Variants in GALNT10 observed in about 807,000 individuals in gnomAD.
GALNT10 encodes polypeptide N-acetylgalactosaminyltransferase 10.
GALNT10 carries 41 observed loss-of-function variants against 75.0 expected under a neutral mutation model. The ratio of observed to expected loss-of-function variants is 0.55; its 90% CI spans 0.43 to 0.71. The LOEUF is 0.71. GALNT10 is among the 30% of genes least tolerant of loss of function. GALNT10 has a pLI of 0.00. For missense variants in GALNT10, 727 were observed against 818.5 expected (o/e 0.89, Z 1.36); for synonymous variants, 302 against 313.0 (o/e 0.96, Z 0.37).
chr5:154,243,184 A>G (rs906807880), intron 1 of GALNT10, among the ~76,000 whole-genome samples: 1 of 152,230 alleles, frequency 6.6e-6, no homozygotes, highest in Non-Finnish European at 1.5e-5. Context: ...CTCAAATAAG[A>G]TAATGAATGA....
chr5:154,397,932 C>T (rs1037248252), intron 7 of GALNT10, among the ~76,000 whole-genome samples: 1 of 152,224 alleles, frequency 6.6e-6, no homozygotes, highest in African/African-American at 2.4e-5. Flanking sequence ...CAATGCACAT[C>T]ACCACTCGTT....
intron 1 of GALNT10, among the ~76,000 whole-genome samples, chr5:154,226,385 G>A (rs574526058): frequency 2.3e-3 from 356 of 152,274 alleles, no homozygotes; most frequent in African/African-American, 8.3e-3. Flanking sequence ...ATTTCCTTCA[G>A]CAAGGGCTCT....
chr5:154,323,639 C>G (rs1355376938), intron 3 of GALNT10, among the ~76,000 whole-genome samples: 4 of 152,196 alleles, frequency 2.6e-5, no homozygotes, highest in Non-Finnish European at 4.4e-5. Context: ...CAGGGGAACC[C>G]CTGCTCATAT....
intron 1 of GALNT10, among the ~76,000 whole-genome samples, chr5:154,260,903 T>G (rs1249023455): frequency 6.6e-6 from 1 of 152,198 alleles, no homozygotes; most frequent in Non-Finnish European, 1.5e-5. Flanking sequence ...TGGTAATAGA[T>G]CTAATGCAGT....
At chr5:154,354,069 C>T (rs1755252677) in intron 4 of GALNT10, among the ~76,000 whole-genome samples, 1 of 152,204 alleles carries the variant, frequency 6.6e-6, no homozygotes, top group African/African-American at 2.4e-5. Context: ...TTCTAACCTA[C>T]CATTCCCTAG....
intron 3 of GALNT10, among the ~76,000 whole-genome samples, chr5:154,307,067 A>G (rs780094158): frequency 3.3e-5 from 5 of 152,250 alleles, no homozygotes; most frequent in Non-Finnish European, 7.3e-5. Context: ...TGACATAACT[A>G]TAGATTCTAT....
chr5:154,193,790 G>T (rs1774896241), intron 1 of GALNT10, among the ~76,000 whole-genome samples: 1 of 152,208 alleles, frequency 6.6e-6, no homozygotes, highest in Non-Finnish European at 1.5e-5. Context: ...CAAATTTATA[G>T]TGTTTATCAT....
Position 154,376,305 on chromosome 5 carries a change from C to T in GALNT10, c.597C>T (p.Tyr199=), listed in dbSNP as rs779873010. The T allele has an allele frequency of 1.5e-5, 24 of 1,612,662 alleles. No individual in the cohort carries two copies. The highest frequency in any genetic ancestry group is 2.0e-5 in the Non-Finnish European group (24 of 1,178,966). ...REHLKKPLED[Y]MALFPSVRIL... is the part of the protein sequence containing the mutation. ...ACCTGAAGAAGCCTCTTGAAGACTA[C>T]ATGGCCCTTTTCCCCAGTGTGAGGA... The change falls in exon 5 of 12, where the codon TAC becomes TAT. Residue 199 remains tyrosine, a synonymous_variant. Coordinates refer to ENST00000297107, the MANE Select transcript of GALNT10 (RefSeq NM_198321.4). This position sits in a 1 kb window ranked among gnomAD's most constrained non-coding sequence, Gnocchi z 4.1.
chr5:154,391,535 A>G (rs1266101949), intron 7 of GALNT10, among the ~76,000 whole-genome samples: 4 of 152,208 alleles, frequency 2.6e-5, no homozygotes, highest in Non-Finnish European at 4.4e-5. Context: ...TAGTGGTTGG[A>G]CAAGTCTTTA....
At chr5:154,264,542 C>T (rs986694071) in intron 1 of GALNT10, among the ~76,000 whole-genome samples, 6 of 152,012 alleles carry the variant, frequency 3.9e-5, no homozygotes. Flanking sequence ...TATAGGCAGA[C>T]AGCAAATGCG....
chr5:154,315,840 A>G (rs1211916542), intron 3 of GALNT10, among the ~76,000 whole-genome samples: 1 of 152,220 alleles, frequency 6.6e-6, no homozygotes, highest in Non-Finnish European at 1.5e-5. Context: ...TTGGACCAAG[A>G]TGGTACCTGA....
chr5:154,237,388 G>GT (rs1160747170), intron 1 of GALNT10, among the ~76,000 whole-genome samples: 31 of 151,706 alleles, frequency 2.0e-4, no homozygotes, highest in East Asian at 5.8e-4. Flanking sequence ...AAGTTGTGGG[G>GT]TTTTTTTTTG....
At chr5:154,334,865 C>T (rs1012044767) in intron 4 of GALNT10, among the ~76,000 whole-genome samples, 2 of 152,306 alleles carry the variant, frequency 1.3e-5, no homozygotes, top group South Asian at 2.1e-4. Context: ...GTGAGCTCAC[C>T]TCACCCATGA....
intron 4 of GALNT10, chr5:154,338,423 G>A (rs1322403356): frequency 1.3e-5 from 5 of 379,820 alleles, no homozygotes; most frequent in African/African-American, 2.1e-5. Flanking sequence ...TCAGCTGCTC[G>A]GGCTCTTTAG....
intron 1 of GALNT10, among the ~76,000 whole-genome samples, chr5:154,277,438 C>G (rs531948561): frequency 6.7e-6 from 1 of 150,204 alleles, no homozygotes; most frequent in Non-Finnish European, 1.5e-5. Flanking sequence ...CAGAGCCAGA[C>G]CAACTTCAAT....
At chr5:154,386,233 G>A (rs1755804005) in intron 6 of GALNT10, 80 bp from the exon 7 acceptor site, 14 of 1,001,476 alleles carry the variant, frequency 1.4e-5, no homozygotes, top group East Asian at 2.4e-5. Flanking sequence ...CCGCCGCTGG[G>A]GGAATGGCAT....
chr5:154,224,264 C>A (rs1040181897), intron 1 of GALNT10, among the ~76,000 whole-genome samples: 1 of 152,102 alleles, frequency 6.6e-6, no homozygotes, highest in Non-Finnish European at 1.5e-5. Flanking sequence ...GTGTTGGGGC[C>A]CCCAGCTAGG....
At chr5:154,361,720 G>A (rs1012814749) in intron 4 of GALNT10, among the ~76,000 whole-genome samples, 1 of 152,180 alleles carries the variant, frequency 6.6e-6, no homozygotes, top group Non-Finnish European at 1.5e-5. Flanking sequence ...CTAGACAGTG[G>A]GTTAATTGGT....
At chr5:154,359,652 T>A (rs1755352274) in intron 4 of GALNT10, among the ~76,000 whole-genome samples, 1 of 151,982 alleles carries the variant, frequency 6.6e-6, no homozygotes, top group South Asian at 2.1e-4. Context: ...GGCCAGGGTA[T>A]GGCTTCCTCT....
Sources: gnomAD v4.1 joint callset for allele counts (sites outside exome capture counted in the v4.1 genomes callset) on GRCh38, gnomAD v4.1.1 for gene constraint, Gnocchi (gnomAD v3.1) non-coding constraint, MANE v1.5 for transcripts, NCBI Gene and HGNC (gene_info 2026-07-23, HGNC 2026-07-21) for gene names.